FUZ: variants seen among roughly 807,000 people sequenced by gnomAD.
FUZ encodes the protein protein fuzzy homolog.
FUZ carries 31 observed loss-of-function variants against 43.1 expected under a neutral mutation model. The ratio of observed to expected loss-of-function variants is 0.72; its 90% CI spans 0.54 to 0.97. The LOEUF (loss-of-function observed/expected upper bound fraction) is 0.97, where lower values mean the gene tolerates loss of function less well. Among genes scored for constraint, FUZ ranks in the 50% least tolerant of loss-of-function variants. The pLI, the probability that FUZ is intolerant of heterozygous loss-of-function variation, is 0.00. For synonymous variants in FUZ, 274 were observed against 250.0 expected (o/e 1.10, Z -0.91); for missense variants, 539 against 543.8 (o/e 0.99, Z 0.09).
At position 49,808,414 on chromosome 19, in the gene FUZ, C is replaced by G; in HGVS notation, c.1033G>C (p.Glu345Gln). ...TLVTSTHFPP[E>Q]PGPPEKTEDE... is the part of the protein sequence containing the mutation. ...TGGGAGCACTGTGCCTTCCGCTGAC[C>G]TGGTGGGAAGTGCGTGGAGGTGACC... is the stretch of plus-strand genomic sequence containing the variant. Residue 345 changes from glutamate to glutamine, a missense_variant and splice_region_variant, in exon 10 of 11, where the codon GAG (glutamate) becomes CAG (glutamine). Physicochemically the swap from Glu to Gln is conservative, Grantham distance 29. Transcript: ENST00000313777. 6.2e-7 allele frequency: 1 copy of G among 1,611,730 alleles called. No individual in the cohort carries two copies. Among genetic ancestry groups the G allele is most frequent in the Non-Finnish European group, 8.5e-7 (1 of 1,179,302 alleles).
intron 10 of FUZ, 71 bp downstream of exon 10, chr19:49,808,343 A>C (rs1489798439): frequency 6.1e-6 from 9 of 1,482,044 alleles, no homozygotes; most frequent in Non-Finnish European, 8.3e-6. Flanking sequence ...CCCACCTCCT[A>C]CTCCCATTTT....
intron 4 of FUZ, 42 bp downstream of exon 4, chr19:49,811,589 C>G (rs778338671): frequency 6.2e-7 from 1 of 1,600,332 alleles, no homozygotes; most frequent in East Asian, 2.2e-5. Flanking sequence ...ATGGCAGTGC[C>G]CAGGTATCCT....
At chr19:49,811,254 A>C (rs1476413007) in intron 5 of FUZ, 109 bp downstream of exon 5, 1 of 756,340 alleles carries the variant, frequency 1.3e-6, no homozygotes, top group African/African-American at 1.7e-5. Flanking sequence ...ATAGGACTGG[A>C]AGCTGAGAGG....
chr19:49,811,506 G>C (rs1384601215), intron 4 of FUZ, 39 bp from the exon 5 acceptor site: 1 of 1,597,782 alleles, frequency 6.3e-7, no homozygotes, highest in Admixed American at 1.7e-5. Flanking sequence ...GATTCAAGTG[G>C]GCCCAGGGTC....
intron 10 of FUZ, 187 bp downstream of exon 10, chr19:49,808,227 G>A (rs2073505973): frequency 8.8e-6 from 6 of 678,282 alleles, no homozygotes; most frequent in South Asian, 4.9e-5. Context: ...GAAGCCAGGC[G>A]GGGACCTCCC....
At chr19:49,807,763 G>C (rs986163723) in intron 10 of FUZ, among the ~76,000 whole-genome samples, 1 of 152,174 alleles carries the variant, frequency 6.6e-6, no homozygotes, top group Non-Finnish European at 1.5e-5. Context: ...AGGTGGAGTC[G>C]CACAGCTAAG....
At chr19:49,811,490 G>A in intron 4 of FUZ, 23 bp from the exon 5 acceptor site, 8 of 1,605,170 alleles carry the variant, frequency 5.0e-6, no homozygotes, top group Non-Finnish European at 6.0e-6. Flanking sequence ...GAAGGGACCA[G>A]CCTAGGATTC....
chr19:49,813,319 T>C (rs1024082719), upstream of FUZ: 5 of 656,946 alleles, frequency 7.6e-6, no homozygotes, highest in African/African-American at 7.1e-5. Context: ...TTAGGTTCTC[T>C]TCCGCCCTAG....
chr19:49,809,886 T>G lies in FUZ; in HGVS notation c.493-311A>C. On this transcript the variant is annotated intron_variant, in intron 5 of 10. Transcript: ENST00000313777. This position sits in a 1 kb window ranked among gnomAD's most constrained non-coding sequence, Gnocchi z 5.1. ...CTGTTACATGCCGAGTAGGCACCAT[T>G]AGCAACGTAGAGAAGCCAAGTCACC... 6.5e-6 allele frequency: 3 copies of G among 464,502 alleles called. No homozygotes were observed. Among genetic ancestry groups the G allele is most frequent in the Non-Finnish European group, 1.2e-5 (3 of 251,704 alleles). 28.8% of individuals were successfully genotyped at this position (464,502 alleles called of 1,614,324 possible). A position where few individuals can be genotyped will look rare whatever the true frequency, so the allele number is the denominator to read the frequency against.
intron 1 of FUZ, 97 bp from the exon 2 acceptor site, chr19:49,812,833 T>G: frequency 6.6e-7 from 1 of 1,517,198 alleles, no homozygotes; most frequent in Non-Finnish European, 9.1e-7. Context: ...CCTCTTTCCA[T>G]ATGACCTGGC....
In FUZ at chr19:49,812,241, T is replaced by A. The variant is rs939378944; in HGVS notation, c.318+10A>T. On this transcript the variant is annotated intron_variant, in intron 3 of 10. Transcript: ENST00000313777. ...TGGTCTGGGGAGAAAAGAGGACTGG[T>A]GAGTCTCACCATGGCTCCAAACACC... The A allele has an allele frequency of 6.2e-7, 1 of 1,604,288 alleles. No individual in the cohort carries two copies. The highest frequency in any genetic ancestry group is 8.5e-7 in the Non-Finnish European group (1 of 1,171,786).
At chr19:49,812,420 A>G in intron 2 of FUZ, 85 bp from the exon 3 acceptor site, 1 of 1,341,658 alleles carries the variant, frequency 7.5e-7, no homozygotes, top group East Asian at 2.3e-5. Context: ...ATCCTAGAAC[A>G]CCAGATACAT....
At chr19:49,813,351 A>C, upstream of FUZ, 1 of 592,202 alleles carries the variant, frequency 1.7e-6, no homozygotes, top group Non-Finnish European at 3.1e-6. Flanking sequence ...GGTACCCCTA[A>C]CAAAGATGGC....
chr19:49,812,057 G>A (rs1382107094), intron 3 of FUZ, among the ~76,000 whole-genome samples, 194 bp downstream of exon 3: 7 of 152,178 alleles, frequency 4.6e-5, no homozygotes, highest in Non-Finnish European at 8.8e-5. Context: ...GCAGTGAGCC[G>A]AGATCAAGCC....
In FUZ at chr19:49,809,107, G is replaced by C; in HGVS notation, c.786+56C>G. On this transcript the variant is annotated intron_variant, in intron 7 of 10. Transcript: ENST00000313777. The surrounding 1 kb of genome is among the most constrained non-coding windows in gnomAD (Gnocchi z 5.1). ...CTGGCAGGGCAGGGTGGTGGGGAAG[G>C]GCCCTCCTGGTAGCGGGTGTCCTAA... 6.8e-7 allele frequency: 1 copy of C among 1,473,494 alleles called. No homozygotes were observed. The allele number at this position is 1,473,494 out of a possible 1,614,324, so 91.3% of individuals were successfully genotyped here. A position where few individuals can be genotyped will look rare whatever the true frequency, so the allele number is the denominator to read the frequency against.
At position 49,809,595 on chromosome 19, in the gene FUZ, G is replaced by A. The variant is rs1305298756; in HGVS notation, c.493-20C>T. ...GGCTTCCTGGGTACGGGAGGCAGGA[G>A]GACTGGGAGTCAGCAGACAAGCGTA... On this transcript the variant is annotated intron_variant, in intron 5 of 10. Transcript: ENST00000313777. This position sits in a 1 kb window ranked among gnomAD's most constrained non-coding sequence, Gnocchi z 5.1. The A allele has an allele frequency of 6.4e-7, 1 of 1,574,614 alleles. No individual in the cohort carries two copies. The highest frequency in any genetic ancestry group is 2.3e-5 in the East Asian group (1 of 43,696).
rs566187019 is a variant in FUZ, at chr19:49,810,901, G to A, written c.492+462C>T. ...GCAGTGGCTCACGCCTGTCATCCCA[G>A]CACTGTGGGAGGCCAAGGCAGGTGG... is the stretch of plus-strand genomic sequence containing the variant. On this transcript the variant is annotated intron_variant, in intron 5 of 10. Transcript: ENST00000313777. 54 of 331,284 alleles carry A rather than the reference G, an allele frequency of 1.6e-4. 1 individual carries two copies. Among genetic ancestry groups the A allele is most frequent in the South Asian group, 1.3e-3 (53 of 40,212 alleles). The allele number at this position is 331,284 out of a possible 1,614,324, so 20.5% of individuals were successfully genotyped here.
chr19:49,812,470 A>T, intron 2 of FUZ, 135 bp from the exon 3 acceptor site: 1 of 1,342,762 alleles, frequency 7.4e-7, no homozygotes, highest in Non-Finnish European at 1.1e-6. Context: ...AGAGAACATC[A>T]GGGATCAAAG....
chr19:49,812,440 G>A (rs2073838270), intron 2 of FUZ, 105 bp from the exon 3 acceptor site: 1 of 1,336,942 alleles, frequency 7.5e-7, no homozygotes, highest in East Asian at 2.3e-5. Flanking sequence ...TCCTCTCTCA[G>A]ACCAACCTGC....
Sources: allele counts gnomAD v4.1 joint callset (sites outside exome capture counted in the v4.1 genomes callset), GRCh38; gene constraint gnomAD v4.1.1; non-coding constraint Gnocchi (gnomAD v3.1); transcripts MANE v1.5; gene names NCBI Gene and HGNC (gene_info 2026-07-23, HGNC 2026-07-21).